The following ST3GAL1 variants were observed in gnomAD, a reference collection of about 807,000 sequenced individuals.
The protein encoded by ST3GAL1 is ST3 beta-galactoside alpha-2,3-sialyltransferase 1.
A neutral mutation model predicts 34.1 loss-of-function variants in ST3GAL1; 16 were observed. That is an observed-to-expected ratio of 0.47 (90% confidence interval 0.32 to 0.71). ST3GAL1 has a LOEUF of 0.71. Among genes scored for constraint, ST3GAL1 ranks in the 30% least tolerant of loss-of-function variants. ST3GAL1 has a pLI of 0.04. For missense variants in ST3GAL1, 353 were observed against 447.4 expected (o/e 0.79, Z 1.90); for synonymous variants, 191 against 184.7 (o/e 1.03, Z -0.28).
chr8:133,504,549 T>C lies in ST3GAL1; in HGVS notation c.-428-5360A>G, dbSNP rs896742517. On this transcript the variant is annotated intron_variant, in intron 2 of 9. Transcript: ENST00000522652. ...AGGCATAAAATAATAGCTGCTTGTT[T>C]CTGGTTTGGTTTTTTGAGTCCTTAT... 3.3e-4 allele frequency among the ~76,000 whole-genome samples: 50 copies of C among 152,204 alleles called. 2 individuals carry two copies. Among genetic ancestry groups the C allele is most frequent in the Non-Finnish European group, 7.3e-5 (5 of 68,030 alleles).
chr8:133,503,286 G>A (rs1344553144), intron 2 of ST3GAL1, among the ~76,000 whole-genome samples: 1 of 152,206 alleles, frequency 6.6e-6, no homozygotes, highest in Admixed American at 6.5e-5. Context: ...ATAGTCAGGA[G>A]AGCCGACTTC....
At chr8:133,538,199 C>A (rs1310605632) in intron 2 of ST3GAL1, among the ~76,000 whole-genome samples, 1 of 152,236 alleles carries the variant, frequency 6.6e-6, no homozygotes, top group Non-Finnish European at 1.5e-5. Context: ...AAGTACCCAG[C>A]ATGTCAAAGG....
At chr8:133,536,131 G>A (rs1400488565) in intron 2 of ST3GAL1, among the ~76,000 whole-genome samples, 1 of 152,112 alleles carries the variant, frequency 6.6e-6, no homozygotes, top group Non-Finnish European at 1.5e-5. Flanking sequence ...TTGAACCCGG[G>A]TCATCTGTAT....
At chr8:133,487,850 C>T (rs1816663148) in intron 3 of ST3GAL1, among the ~76,000 whole-genome samples, 1 of 152,058 alleles carries the variant, frequency 6.6e-6, no homozygotes, top group Non-Finnish European at 1.5e-5. Flanking sequence ...TGCCTGTAGT[C>T]CCAGCTACTC....
At chr8:133,478,406 T>C (rs926293907) in intron 3 of ST3GAL1, among the ~76,000 whole-genome samples, 3 of 152,210 alleles carry the variant, frequency 2.0e-5, no homozygotes, top group Admixed American at 2.0e-4. Flanking sequence ...CTGGCTATTT[T>C]GCTAGCGTGT....
chr8:133,565,408 A>G (rs1206813791), intron 1 of ST3GAL1, among the ~76,000 whole-genome samples: 1 of 152,010 alleles, frequency 6.6e-6, no homozygotes, highest in East Asian at 1.9e-4. Context: ...TCTCTTCCAG[A>G]GGCTTCTGGC....
chr8:133,488,666 T>C (rs1295082482), intron 3 of ST3GAL1, among the ~76,000 whole-genome samples: 1 of 152,120 alleles, frequency 6.6e-6, no homozygotes, highest in Non-Finnish European at 1.5e-5. Context: ...GCAGAGGGCG[T>C]AAGAGGGACT....
intron 1 of ST3GAL1, among the ~76,000 whole-genome samples, chr8:133,551,614 GAAA>G (rs1818867957): frequency 1.4e-5 from 2 of 142,300 alleles, no homozygotes. Context: ...AAGAAAGAAA[GAAA>G]GAGCGAGCAA....
At chr8:133,541,120 T>TATATATATATATATAGAGAGAGAG (rs71299078) in intron 2 of ST3GAL1, among the ~76,000 whole-genome samples, 2 of 48,644 alleles carry the variant, frequency 4.1e-5, no homozygotes, top group African/African-American at 2.0e-4. Context: ...TATATATATA[T>TATATATATATATATAGAGAGAGAG]AGAGAGAGAG....
intron 2 of ST3GAL1, among the ~76,000 whole-genome samples, chr8:133,512,905 T>A (rs1817534091): frequency 6.6e-6 from 1 of 152,158 alleles, no homozygotes; most frequent in African/African-American, 2.4e-5. Flanking sequence ...AAGAGTAAAA[T>A]TCACATGTGA....
intron 3 of ST3GAL1, among the ~76,000 whole-genome samples, chr8:133,489,316 A>T (rs1057234883): frequency 2.0e-5 from 3 of 152,082 alleles, no homozygotes; most frequent in African/African-American, 7.2e-5. Context: ...ACAGCTGACA[A>T]TGTGGTCTAA....
intron 1 of ST3GAL1, among the ~76,000 whole-genome samples, chr8:133,552,393 A>G (rs565307140): frequency 6.6e-6 from 1 of 152,340 alleles, no homozygotes; most frequent in South Asian, 2.1e-4. Context: ...GAGAGGACCT[A>G]GAAACATCTG....
intron 2 of ST3GAL1, among the ~76,000 whole-genome samples, chr8:133,516,930 A>G (rs1487274878): frequency 6.6e-6 from 1 of 152,270 alleles, no homozygotes; most frequent in Non-Finnish European, 1.5e-5. Context: ...GGGACCCTCC[A>G]GAAAGAGATA....
In ST3GAL1 at chr8:133,506,285, A is replaced by T. The variant is rs1395472255; in HGVS notation, c.-428-7096T>A. ...AATTTTTCATCTGTAAGATGAGAAC[A>T]ACAGGACTGACCTGATGGGGTCCTT... On this transcript the variant is annotated intron_variant, in intron 2 of 9. Coordinates refer to ENST00000522652, the MANE Select transcript of ST3GAL1 (RefSeq NM_173344.3). 2.2e-5 allele frequency among the ~76,000 whole-genome samples: 3 copies of T among 135,018 alleles called. No homozygotes were observed. The South Asian group carries it at 6.6e-4, about 30-fold the overall frequency. The allele number at this position is 135,018 out of a possible 152,430, so 88.6% of individuals were successfully genotyped here.
chr8:133,479,264 G>C (rs1232193008), intron 3 of ST3GAL1, among the ~76,000 whole-genome samples: 2 of 152,090 alleles, frequency 1.3e-5, no homozygotes, highest in African/African-American at 2.4e-5. Flanking sequence ...GGCATCAATA[G>C]GGCCCCAGAC....
intron 2 of ST3GAL1, among the ~76,000 whole-genome samples, chr8:133,526,048 T>C (rs1317434520): frequency 6.6e-6 from 1 of 152,200 alleles, no homozygotes; most frequent in Non-Finnish European, 1.5e-5. Flanking sequence ...GCCCCAGCTA[T>C]GCCTCCCCTG....
Position 133,568,170 on chromosome 8 carries a change from C to T in ST3GAL1, c.-582+3523G>A, listed in dbSNP as rs147678848. Among the ~76,000 whole-genome samples, 698 of 152,274 alleles carry T rather than the reference C, an allele frequency of 4.6e-3. 7 individuals are homozygous for T. The highest frequency in any genetic ancestry group is 0.016 in the African/African-American group (677 of 41,578). On this transcript the variant is annotated intron_variant, in intron 1 of 9. Transcript: ENST00000522652. Reference sequence around the variant, plus strand: ...TCCTGACCTCAAATGATCCACCCACCTCGGCCTCCCAAAGTGCTGGGATTA... The same window carrying T: ...TCCTGACCTCAAATGATCCACCCACTTCGGCCTCCCAAAGTGCTGGGATTA...
intron 1 of ST3GAL1, among the ~76,000 whole-genome samples, chr8:133,563,471 G>A (rs961591969): frequency 6.6e-6 from 1 of 152,176 alleles, no homozygotes; most frequent in African/African-American, 2.4e-5. Context: ...CAACAGGGCC[G>A]GCTGAGAATC....
intron 3 of ST3GAL1, among the ~76,000 whole-genome samples, chr8:133,478,128 A>G (rs572388269): frequency 1.3e-5 from 2 of 152,186 alleles, no homozygotes; most frequent in Non-Finnish European, 2.9e-5. Context: ...TTTTGTTTAT[A>G]ACCTAGTGGT....
Sources: gnomAD v4.1 joint callset for allele counts (sites outside exome capture counted in the v4.1 genomes callset) on GRCh38, gnomAD v4.1.1 for gene constraint, MANE v1.5 for transcripts, NCBI Gene and HGNC (gene_info 2026-07-23, HGNC 2026-07-21) for gene names.